NDST4: variants seen among roughly 807,000 people sequenced by gnomAD.
The protein encoded by NDST4 is N-deacetylase and N-sulfotransferase 4, also known as N-heparan sulfate sulfotransferase 4.
Under a neutral mutation model 100.8 loss-of-function variants are expected in NDST4, and 63 were observed. That is an observed-to-expected ratio of 0.62 (90% CI 0.51 to 0.77). The LOEUF is 0.77. Among genes scored for constraint, NDST4 ranks in the 30% least tolerant of loss-of-function variants. The probability of loss-of-function intolerance (pLI) is 0.00; values close to 1 mark genes in which losing one functional copy is unlikely to be tolerated. For missense variants in NDST4, 943 were observed against 1,018.4 expected (o/e 0.93, Z 1.01); for synonymous variants, 377 against 361.8 (o/e 1.04, Z -0.48).
At chr4:114,913,073 C>T (rs540592529) in intron 6 of NDST4, among the ~76,000 whole-genome samples, 2 of 151,790 alleles carry the variant, frequency 1.3e-5, no homozygotes, top group Non-Finnish European at 2.9e-5. Context: ...AATTATTGAG[C>T]TCTTACAACT....
intron 4 of NDST4, among the ~76,000 whole-genome samples, chr4:114,957,579 T>C (rs1056886180): frequency 2.0e-5 from 3 of 152,214 alleles, no homozygotes; most frequent in African/African-American, 7.2e-5. Context: ...AAACTAAACA[T>C]GCCTTCTCAA....
chr4:114,932,876 G>A (rs2126224221), intron 6 of NDST4, among the ~76,000 whole-genome samples: 1 of 152,100 alleles, frequency 6.6e-6, no homozygotes, highest in East Asian at 1.9e-4. Context: ...CGAATTAATA[G>A]TGTTAAAATA....
intron 2 of NDST4, among the ~76,000 whole-genome samples, chr4:114,994,468 A>G (rs952636470): frequency 9.2e-5 from 14 of 151,918 alleles, no homozygotes; most frequent in Non-Finnish European, 2.9e-5. Flanking sequence ...TACCTAGAAC[A>G]CAGAGTGATC....
intron 4 of NDST4, among the ~76,000 whole-genome samples, chr4:114,940,620 C>T (rs942824281): frequency 2.0e-5 from 3 of 152,114 alleles, no homozygotes; most frequent in African/African-American, 7.2e-5. Flanking sequence ...TTAGCTTTGC[C>T]GTCCATGGAT....
intron 4 of NDST4, among the ~76,000 whole-genome samples, chr4:114,954,676 G>A (rs1726096091): frequency 6.6e-6 from 1 of 152,052 alleles, no homozygotes; most frequent in South Asian, 2.1e-4. Context: ...TTTATAATTT[G>A]TTCTTAAAAG....
At chr4:115,096,580 A>G (rs918692644) in intron 1 of NDST4, among the ~76,000 whole-genome samples, 10 of 151,996 alleles carry the variant, frequency 6.6e-5, no homozygotes, top group African/African-American at 2.4e-4. Context: ...CATTCTAGCT[A>G]AGGACACCCT....
At chr4:115,043,613 C>A (rs1249537174) in intron 2 of NDST4, among the ~76,000 whole-genome samples, 1 of 151,924 alleles carries the variant, frequency 6.6e-6, no homozygotes, top group African/African-American at 2.4e-5. Context: ...CTGAATCAAC[C>A]AAGGACTGAT....
chr4:115,047,816 A>G (rs1218722677), intron 2 of NDST4, among the ~76,000 whole-genome samples: 5 of 152,098 alleles, frequency 3.3e-5, no homozygotes, highest in Non-Finnish European at 4.4e-5. Context: ...TTCCCCTATT[A>G]TATATCGTTT....
At chr4:114,842,263 A>T (rs1468112276) in intron 10 of NDST4, among the ~76,000 whole-genome samples, 1 of 152,046 alleles carries the variant, frequency 6.6e-6, no homozygotes, top group African/African-American at 2.4e-5. Flanking sequence ...GTGTCTTCAA[A>T]CTATCACCCT....
intron 6 of NDST4, among the ~76,000 whole-genome samples, chr4:114,871,656 T>A (rs895042756): frequency 2.0e-5 from 3 of 152,052 alleles, no homozygotes; most frequent in Admixed American, 2.0e-4. Context: ...GCAGCAGGGA[T>A]TTAAAAAATA....
intron 7 of NDST4, among the ~76,000 whole-genome samples, chr4:114,853,403 G>A (rs974776795): frequency 3.3e-5 from 5 of 152,090 alleles, no homozygotes; most frequent in East Asian, 1.9e-4. Flanking sequence ...GTATAGATAC[G>A]GTGAGGAAAT....
At chr4:114,975,593 T>A (rs2126243303) in intron 3 of NDST4, among the ~76,000 whole-genome samples, 1 of 152,300 alleles carries the variant, frequency 6.6e-6, no homozygotes, top group African/African-American at 2.4e-5. Context: ...TGGTGTATCC[T>A]CTACAACATT....
At chr4:115,030,113 T>C (rs1728083943) in intron 2 of NDST4, among the ~76,000 whole-genome samples, 1 of 152,108 alleles carries the variant, frequency 6.6e-6, no homozygotes, top group South Asian at 2.1e-4. Context: ...ATTCATGAGC[T>C]ACAGTGTTGA....
chr4:114,879,095 T>C (rs6844231), intron 6 of NDST4, among the ~76,000 whole-genome samples: 13,037 of 152,190 alleles, frequency 0.086, 1,634 homozygotes, highest in African/African-American at 0.27. Flanking sequence ...CGTGAAGTTT[T>C]GATACATCAT....
chr4:114,986,179 G>T (rs1422691347), intron 2 of NDST4, among the ~76,000 whole-genome samples: 1 of 152,184 alleles, frequency 6.6e-6, no homozygotes, highest in African/African-American at 2.4e-5. Context: ...ATTAAATCAT[G>T]TCACATATGT....
At chr4:115,075,524 C>A (rs1035243016) in intron 2 of NDST4, among the ~76,000 whole-genome samples, 1 of 152,080 alleles carries the variant, frequency 6.6e-6, no homozygotes, top group Non-Finnish European at 1.5e-5. Context: ...CAGTGGCTCA[C>A]GCCTGTAATC....
At chr4:114,975,654 T>C (rs192914441) in intron 3 of NDST4, among the ~76,000 whole-genome samples, 51 of 152,198 alleles carry the variant, frequency 3.4e-4, no homozygotes, top group African/African-American at 1.1e-3. Context: ...GAAAAGTAAA[T>C]AAAAACTGAG....
At chr4:114,957,007 G>A (rs770236416) in intron 4 of NDST4, among the ~76,000 whole-genome samples, 3 of 152,102 alleles carry the variant, frequency 2.0e-5, no homozygotes, top group Non-Finnish European at 4.4e-5. Context: ...TTTCAAATTT[G>A]TTCAAAGAAC....
At chr4:115,061,183 A>C (rs113281271) in intron 2 of NDST4, among the ~76,000 whole-genome samples, 179 of 152,240 alleles carry the variant, frequency 1.2e-3, no homozygotes, top group Non-Finnish European at 2.2e-3. Context: ...TGGGAGTGTA[A>C]ATTAGTTCAA....
Sources: gnomAD v4.1 joint callset for allele counts (sites outside exome capture counted in the v4.1 genomes callset) on GRCh38, gnomAD v4.1.1 for gene constraint, MANE v1.5 for transcripts, NCBI Gene and HGNC (gene_info 2026-07-23, HGNC 2026-07-21) for gene names.